RAPGEF4: variants seen among roughly 807,000 people sequenced by gnomAD.
RAPGEF4 encodes the protein RAP guanine-nucleotide-exchange factor (GEF) 4.
RAPGEF4 carries 66 observed loss-of-function variants against 147.9 expected under a neutral mutation model. The observed-to-expected ratio is 0.45, with a 90% confidence interval of 0.37 to 0.55. The LOEUF is 0.55. RAPGEF4 is among the 20% of genes least tolerant of loss of function. The pLI is 0.00. For missense variants in RAPGEF4, 1,071 were observed against 1,257.3 expected, an observed-to-expected ratio of 0.85 and a Z score of 2.24; for synonymous variants, 419 against 442.7, an observed-to-expected ratio of 0.95 and a Z score of 0.67.
chr2:172,872,534 G>T (rs1695354432), intron 4 of RAPGEF4, among the ~76,000 whole-genome samples: 1 of 152,146 alleles, frequency 6.6e-6, no homozygotes, highest in Non-Finnish European at 1.5e-5. Context: ...ATCCCTACTT[G>T]TTGGGGGAAG....
chr2:172,930,161 G>A (rs1481965109), intron 6 of RAPGEF4, among the ~76,000 whole-genome samples: 2 of 152,158 alleles, frequency 1.3e-5, no homozygotes, highest in Non-Finnish European at 2.9e-5. Flanking sequence ...CAATATGCCA[G>A]GCTGATAGCA....
chr2:172,887,135 C>T (rs1360875333), intron 4 of RAPGEF4, among the ~76,000 whole-genome samples: 10 of 147,858 alleles, frequency 6.8e-5, no homozygotes, highest in African/African-American at 2.3e-4. Flanking sequence ...TGCAGTGAGC[C>T]GAGATTGCGC....
intron 4 of RAPGEF4, among the ~76,000 whole-genome samples, chr2:172,847,215 C>T (rs1692295234): frequency 6.6e-6 from 1 of 152,184 alleles, no homozygotes; most frequent in Non-Finnish European, 1.5e-5. Flanking sequence ...AGAGAAAATA[C>T]AGCAATCTGA....
Position 173,032,307 on chromosome 2 carries a change from C to T in RAPGEF4, c.2650-1607C>T, listed in dbSNP as rs371293638. Among the ~76,000 whole-genome samples, 5 of 152,220 alleles carry T rather than the reference C, an allele frequency of 3.3e-5. No homozygotes were observed. The East Asian group carries it at 9.6e-4, about 29-fold the overall frequency. ...CCCGGCTGTGACAACAAAAAAATGT[C>T]TGCACACATTACCAAATGCCTCCTG... On this transcript the variant is annotated intron_variant, in intron 26 of 30. Transcript: ENST00000397081.
intron 3 of RAPGEF4, among the ~76,000 whole-genome samples, chr2:172,808,030 A>G (rs1687669573): frequency 6.6e-6 from 1 of 152,218 alleles, no homozygotes; most frequent in Non-Finnish European, 1.5e-5. Context: ...AGCTATTTTA[A>G]ATTCCATCAG....
intron 3 of RAPGEF4, among the ~76,000 whole-genome samples, chr2:172,801,927 C>T (rs1687024006): frequency 6.6e-6 from 1 of 152,192 alleles, no homozygotes; most frequent in Admixed American, 6.5e-5. Flanking sequence ...TCCTCCTACC[C>T]TCTCTTTGAT....
rs190619285 is a variant in RAPGEF4 at position 172,953,948 on chromosome 2, A to G, written c.538-6812A>G. ...GGCTACAGTCAGAGAACCTTACCCCATGAGATAAGACACTCCTAAAGTCTT... is the reference window on the plus strand; with the variant it reads ...GGCTACAGTCAGAGAACCTTACCCCGTGAGATAAGACACTCCTAAAGTCTT... On this transcript the variant is annotated intron_variant, in intron 6 of 30. Coordinates refer to ENST00000397081, the MANE Select transcript of RAPGEF4 (RefSeq NM_007023.4). Among the ~76,000 whole-genome samples, 9 of 152,332 alleles carry G rather than the reference A, an allele frequency of 5.9e-5. No individual in the cohort carries two copies. The East Asian group carries it at 7.7e-4, about 13-fold the overall frequency.
rs372827079 is a variant in RAPGEF4 at position 172,828,248 on chromosome 2, C to A, written c.444+13823C>A. Among the ~76,000 whole-genome samples, 6 of 152,214 alleles carry A rather than the reference C, an allele frequency of 3.9e-5. No homozygotes were observed. In the East Asian group the frequency reaches 1.2e-3, roughly 29 times the overall value. The stretch of plus-strand genomic sequence containing the variant: ...AGGAGAGTGAAAAGGGTTTCCAGAC[C>A]AAGTCCCTCACTCCATGGGCGTCGC... On this transcript the variant is annotated intron_variant, in intron 4 of 30. Coordinates refer to ENST00000397081, the MANE Select transcript of RAPGEF4 (RefSeq NM_007023.4).
At chr2:172,943,596 T>A (rs1239193082) in intron 6 of RAPGEF4, among the ~76,000 whole-genome samples, 1 of 152,208 alleles carries the variant, frequency 6.6e-6, no homozygotes, top group Non-Finnish European at 1.5e-5. Flanking sequence ...TTCCTTTGTC[T>A]TCAGAACATA....
intron 4 of RAPGEF4, among the ~76,000 whole-genome samples, chr2:172,864,480 C>G (rs530694390): frequency 6.6e-6 from 1 of 152,180 alleles, no homozygotes; most frequent in Non-Finnish European, 1.5e-5. Flanking sequence ...CCTGAGGAAC[C>G]TCCAGTGTAC....
intron 29 of RAPGEF4, among the ~76,000 whole-genome samples, chr2:173,047,124 G>A (rs1204023470): frequency 6.7e-6 from 1 of 149,380 alleles, no homozygotes; most frequent in African/African-American, 2.5e-5. Context: ...ACCCCCTTTA[G>A]AGCCTGAGCA....
intron 14 of RAPGEF4, among the ~76,000 whole-genome samples, chr2:172,989,091 G>A (rs1164589348): frequency 2.6e-5 from 4 of 152,222 alleles, no homozygotes; most frequent in Admixed American, 1.3e-4. Flanking sequence ...CCCTGCACTG[G>A]TCCATGAGAA....
chr2:172,929,411 A>C (rs1410586970), intron 6 of RAPGEF4, among the ~76,000 whole-genome samples: 1 of 152,180 alleles, frequency 6.6e-6, no homozygotes, highest in African/African-American at 2.4e-5. Context: ...TATACACATA[A>C]TATATATAGA....
At chr2:172,877,179 C>T (rs1378384000) in intron 4 of RAPGEF4, among the ~76,000 whole-genome samples, 1 of 152,108 alleles carries the variant, frequency 6.6e-6, no homozygotes, top group Non-Finnish European at 1.5e-5. Context: ...GAATACTATG[C>T]AGGCATAAAA....
At chr2:173,034,738 G>C (rs6761798) in intron 27 of RAPGEF4, among the ~76,000 whole-genome samples, 60,166 of 151,612 alleles carry the variant, frequency 0.4, 13,073 homozygotes, top group East Asian at 0.58. Flanking sequence ...GCCAGATGTG[G>C]TGGCCTACAC....
intron 30 of RAPGEF4, among the ~76,000 whole-genome samples, chr2:173,049,500 G>A (rs998580244): frequency 6.6e-6 from 1 of 152,154 alleles, no homozygotes; most frequent in African/African-American, 2.4e-5. Context: ...TGAATCTGAG[G>A]CTACCAGTAC....
chr2:172,889,422 C>A (rs1697627901), intron 4 of RAPGEF4, among the ~76,000 whole-genome samples: 1 of 152,022 alleles, frequency 6.6e-6, no homozygotes, highest in African/African-American at 2.4e-5. Context: ...GTTGAGAGAC[C>A]AATTTACGAA....
intron 8 of RAPGEF4, 78 bp downstream of exon 8, chr2:172,961,306 G>T: frequency 2.5e-6 from 3 of 1,190,214 alleles, no homozygotes; most frequent in Non-Finnish European, 3.7e-6. Context: ...GCTTCTCCCT[G>T]TTTTCCATGT....
intron 4 of RAPGEF4, among the ~76,000 whole-genome samples, chr2:172,881,040 C>T (rs898096541): frequency 6.6e-5 from 10 of 152,166 alleles, no homozygotes; most frequent in Non-Finnish European, 1.5e-4. Context: ...TAATGAGCAT[C>T]TCCATTTTAA....
Sources: gnomAD v4.1 joint callset for allele counts (sites outside exome capture counted in the v4.1 genomes callset) on GRCh38, gnomAD v4.1.1 for gene constraint, MANE v1.5 for transcripts, NCBI Gene and HGNC (gene_info 2026-07-23, HGNC 2026-07-21) for gene names.